Variants in POFUT3 observed in about 807,000 individuals in gnomAD.
POFUT3 encodes protein O-fucosyltransferase 3.
chr8:33,423,818 TAA>T, the POFUT3 span, among the ~76,000 whole-genome samples: 1 of 70,134 alleles, frequency 1.4e-5, no homozygotes. Flanking sequence ...GCACACCAAG[TAA>T]AAAAAAAAAA....
the POFUT3 span, among the ~76,000 whole-genome samples, chr8:33,346,458 C>T: frequency 3.9e-5 from 6 of 152,176 alleles, no homozygotes; most frequent in African/African-American, 1.4e-4. Context: ...TGCTGCCTCT[C>T]CATTTTATGT....
the POFUT3 span, among the ~76,000 whole-genome samples, chr8:33,449,875 T>C: frequency 2.6e-4 from 39 of 151,858 alleles, 1 homozygote; most frequent in African/African-American, 8.5e-4. Flanking sequence ...CCCAATATCC[T>C]TCAAGGCCCA....
chr8:33,334,682 C>T, the POFUT3 span, among the ~76,000 whole-genome samples: 1 of 152,170 alleles, frequency 6.6e-6, no homozygotes, highest in Non-Finnish European at 1.5e-5. Context: ...GATCTCCGGG[C>T]TTTCTGGACA....
At chr8:33,327,157 G>T in the POFUT3 span, among the ~76,000 whole-genome samples, 1 of 152,168 alleles carries the variant, frequency 6.6e-6, no homozygotes, top group Admixed American at 6.5e-5. Context: ...CACTGCTCTG[G>T]TCTCCCAGTA....
chr8:33,430,830 A>G, the POFUT3 span, among the ~76,000 whole-genome samples: 2 of 151,804 alleles, frequency 1.3e-5, no homozygotes, highest in African/African-American at 4.8e-5. Flanking sequence ...CTGGTCTCGA[A>G]CTCCCAACCT....
chr8:33,468,568 C>T, the POFUT3 span, among the ~76,000 whole-genome samples: 1 of 152,248 alleles, frequency 6.6e-6, no homozygotes, highest in African/African-American at 2.4e-5. Flanking sequence ...TAAATGGTGA[C>T]TGTCCTGGCG....
chr8:33,372,435 G>A, the POFUT3 span: 2 of 1,422,364 alleles, frequency 1.4e-6, no homozygotes, highest in East Asian at 2.5e-5. Flanking sequence ...TTCCTTGAAA[G>A]GGCTCATTAT....
At chr8:33,349,055 G>A in the POFUT3 span, among the ~76,000 whole-genome samples, 3 of 152,312 alleles carry the variant, frequency 2.0e-5, no homozygotes, top group African/African-American at 7.2e-5. Context: ...ACTTGACCTC[G>A]GAGGAGATCC....
At chr8:33,436,737 C>T in the POFUT3 span, 1 of 649,394 alleles carries the variant, frequency 1.5e-6, no homozygotes, top group East Asian at 2.9e-5. Flanking sequence ...GCAGGGCCTC[C>T]TCCTTGCAGC....
At chr8:33,384,649 G>GTC in the POFUT3 span, among the ~76,000 whole-genome samples, 15 of 151,978 alleles carry the variant, frequency 9.9e-5, no homozygotes, top group African/African-American at 3.6e-4. Context: ...GTGAAACCCC[G>GTC]TCTCTACTAA....
At chr8:33,434,853 T>G in the POFUT3 span, among the ~76,000 whole-genome samples, 1 of 152,192 alleles carries the variant, frequency 6.6e-6, no homozygotes, top group Non-Finnish European at 1.5e-5. Flanking sequence ...TGTTGCCTCC[T>G]GGGGTCTTCC....
chr8:33,355,262 C>G, the POFUT3 span, among the ~76,000 whole-genome samples: 2 of 152,196 alleles, frequency 1.3e-5, no homozygotes, highest in South Asian at 4.1e-4. Context: ...GAAAAACAGG[C>G]TCACTTATAA....
At chr8:33,316,417 C>T in the POFUT3 span, among the ~76,000 whole-genome samples, 4 of 151,810 alleles carry the variant, frequency 2.6e-5, no homozygotes, top group African/African-American at 9.7e-5. Context: ...TTTTGAAAAC[C>T]ATTTTGAAAA....
chr8:33,414,999 C>A, the POFUT3 span, among the ~76,000 whole-genome samples: 1 of 151,202 alleles, frequency 6.6e-6, no homozygotes, highest in Middle Eastern at 3.5e-3. Flanking sequence ...CGGTGGCTCA[C>A]GTCTGTAATC....
chr8:33,454,401 C>T, the POFUT3 span, among the ~76,000 whole-genome samples: 1 of 152,168 alleles, frequency 6.6e-6, no homozygotes, highest in African/African-American at 2.4e-5. Context: ...TCAGGAAAGG[C>T]TCTCCATCTT....
At chr8:33,466,166 G>A in the POFUT3 span, among the ~76,000 whole-genome samples, 107 of 152,204 alleles carry the variant, frequency 7.0e-4, 1 homozygote, top group East Asian at 0.017. Flanking sequence ...AGCCAGGTGC[G>A]GTGGTTCTGG....
At chr8:33,387,805 A>G in the POFUT3 span, among the ~76,000 whole-genome samples, 14 of 152,164 alleles carry the variant, frequency 9.2e-5, no homozygotes, top group Admixed American at 3.9e-4. Flanking sequence ...CTCGGTCTCA[A>G]AAAAAAAGAA....
At chr8:33,468,850 G>C in the POFUT3 span, among the ~76,000 whole-genome samples, 1 of 152,012 alleles carries the variant, frequency 6.6e-6, no homozygotes, top group African/African-American at 2.4e-5. Flanking sequence ...AAATAAAACT[G>C]TTAGCTTAGA....
the POFUT3 span, among the ~76,000 whole-genome samples, chr8:33,357,531 C>CATATATGTGTGTATATATATATACAT: frequency 6.7e-6 from 1 of 149,988 alleles, no homozygotes; most frequent in African/African-American, 2.5e-5. Flanking sequence ...TGTGTGTATA[C>CATATATGTGTGTATATATATATACAT]ATATATGTGT....
Sources: allele counts gnomAD v4.1 joint callset (sites outside exome capture counted in the v4.1 genomes callset), GRCh38; gene constraint gnomAD v4.1.1; transcripts MANE v1.5; gene names NCBI Gene and HGNC (gene_info 2026-07-23, HGNC 2026-07-21).